AFG1L: variants seen among roughly 807,000 people sequenced by gnomAD.
AFG1L encodes AFG1 like ATPase.
AFG1L carries 53 observed loss-of-function variants against 62.2 expected under a neutral mutation model. The observed-to-expected ratio is 0.85, with a 90% CI of 0.68 to 1.07. The LOEUF is 1.07. Among genes scored for constraint, AFG1L ranks in the 50% least tolerant of loss-of-function variants. The probability of loss-of-function intolerance (pLI) is 0.00; values close to 1 mark genes in which losing one functional copy is unlikely to be tolerated. For missense variants in AFG1L, 555 were observed against 590.5 expected, an observed-to-expected ratio of 0.94 and a Z score of 0.62; for synonymous variants, 228 against 210.3, an observed-to-expected ratio of 1.08 and a Z score of -0.73.
chr6:108,410,412 A>G (rs957625671), intron 7 of AFG1L, among the ~76,000 whole-genome samples: 3 of 152,228 alleles, frequency 2.0e-5, no homozygotes, highest in African/African-American at 7.2e-5. Context: ...TGGGAAAAGA[A>G]GTCAAGCTGG....
intron 3 of AFG1L, among the ~76,000 whole-genome samples, chr6:108,349,623 A>G (rs930322031): frequency 1.3e-5 from 2 of 152,062 alleles, no homozygotes; most frequent in African/African-American, 2.4e-5. Flanking sequence ...ACAGGTATTA[A>G]ATTTTAACAA....
chr6:108,509,420 C>G (rs962002733), intron 10 of AFG1L, among the ~76,000 whole-genome samples: 1 of 152,196 alleles, frequency 6.6e-6, no homozygotes, highest in Non-Finnish European at 1.5e-5. Context: ...AAAATAATTT[C>G]TGATGATTTT....
intron 7 of AFG1L, among the ~76,000 whole-genome samples, chr6:108,437,999 G>A (rs1582586835): frequency 6.6e-6 from 1 of 152,188 alleles, no homozygotes; most frequent in East Asian, 1.9e-4. Context: ...TTTTGGCTGT[G>A]GCTGCAGAAA....
At chr6:108,399,953 A>T (rs1271099758) in intron 6 of AFG1L, among the ~76,000 whole-genome samples, 1 of 150,792 alleles carries the variant, frequency 6.6e-6, no homozygotes, top group Non-Finnish European at 1.5e-5. Flanking sequence ...TAATTTTTGT[A>T]TTTTTTGTGG....
intron 7 of AFG1L, among the ~76,000 whole-genome samples, chr6:108,445,823 C>T (rs147429868): frequency 2.0e-5 from 3 of 151,918 alleles, no homozygotes; most frequent in East Asian, 1.9e-4. Flanking sequence ...ATGTGATCAC[C>T]GATCATATAA....
chr6:108,445,414 A>T (rs975710496), intron 7 of AFG1L, among the ~76,000 whole-genome samples: 1 of 152,016 alleles, frequency 6.6e-6, no homozygotes, highest in Non-Finnish European at 1.5e-5. Flanking sequence ...TTCCTTTTCA[A>T]TCATAACTTA....
At chr6:108,319,370 A>G (rs972884966) in intron 1 of AFG1L, among the ~76,000 whole-genome samples, 3 of 152,166 alleles carry the variant, frequency 2.0e-5, no homozygotes, top group African/African-American at 7.2e-5. Flanking sequence ...CCCTCCGAGT[A>G]GCAATAGTTC....
At chr6:108,449,922 G>A (rs1157945266) in intron 8 of AFG1L, among the ~76,000 whole-genome samples, 1 of 152,094 alleles carries the variant, frequency 6.6e-6, no homozygotes, top group Non-Finnish European at 1.5e-5. Flanking sequence ...CCCTACAAAG[G>A]ACATGAACTC....
intron 7 of AFG1L, among the ~76,000 whole-genome samples, chr6:108,431,190 G>A (rs1202302076): frequency 6.6e-6 from 1 of 150,504 alleles, no homozygotes; most frequent in Non-Finnish European, 1.5e-5. Flanking sequence ...TGCAACCTCC[G>A]CCTCCCAGGT....
chr6:108,411,786 A>G (rs1782127472), intron 7 of AFG1L, among the ~76,000 whole-genome samples: 1 of 152,234 alleles, frequency 6.6e-6, no homozygotes, highest in Non-Finnish European at 1.5e-5. Flanking sequence ...AAAGGTAGAT[A>G]AAACCACAAA....
chr6:108,390,400 G>A (rs989543491), intron 6 of AFG1L, among the ~76,000 whole-genome samples: 7 of 152,142 alleles, frequency 4.6e-5, no homozygotes, highest in East Asian at 1.9e-4. Context: ...GCTTTGTACC[G>A]TTGCTAGCGA....
rs1471245298 is a variant in AFG1L, at chr6:108,359,859, G to C, written c.648+3039G>C. The stretch of plus-strand genomic sequence containing the variant: ...GTTTCAAGTAAATCTCTTTTCTTCA[G>C]CTGGATCTCCAGTGCCTATTTCTTA... On this transcript the variant is annotated intron_variant, in intron 5 of 12. Coordinates refer to ENST00000368977, the MANE Select transcript of AFG1L (RefSeq NM_145315.5). 4 of 152,208 alleles carry C rather than the reference G, an allele frequency of 2.6e-5. No homozygotes were observed. The East Asian group carries it at 7.7e-4, about 29-fold the overall frequency. 9.4% of individuals were successfully genotyped at this position (152,208 alleles called of 1,614,324 possible). A position where few individuals can be genotyped will look rare whatever the true frequency, so the allele number is the denominator to read the frequency against.
At chr6:108,404,196 A>T (rs1403174659) in intron 7 of AFG1L, among the ~76,000 whole-genome samples, 1 of 152,152 alleles carries the variant, frequency 6.6e-6, no homozygotes, top group African/African-American at 2.4e-5. Flanking sequence ...GGCCTAGCTG[A>T]GAGAAAGGTA....
intron 10 of AFG1L, among the ~76,000 whole-genome samples, chr6:108,503,412 G>A (rs912799028): frequency 2.0e-5 from 3 of 152,228 alleles, no homozygotes; most frequent in African/African-American, 7.2e-5. Context: ...TCATCTCTTT[G>A]TACAGTTCCA....
intron 7 of AFG1L, among the ~76,000 whole-genome samples, chr6:108,403,470 G>C (rs1162916047): frequency 6.6e-6 from 1 of 152,034 alleles, no homozygotes; most frequent in Admixed American, 6.6e-5. Context: ...CCAATTTTAG[G>C]TTCCCAAGGA....
intron 7 of AFG1L, among the ~76,000 whole-genome samples, chr6:108,405,381 T>C (rs1191327690): frequency 6.6e-6 from 1 of 152,236 alleles, no homozygotes; most frequent in Admixed American, 6.5e-5. Flanking sequence ...GGTCTCACGC[T>C]GTTGCCTAGG....
At chr6:108,478,916 T>C (rs1437662533) in intron 10 of AFG1L, among the ~76,000 whole-genome samples, 2 of 152,150 alleles carry the variant, frequency 1.3e-5, no homozygotes, top group African/African-American at 2.4e-5. Flanking sequence ...GGGAAGAAGA[T>C]TGATTGAGAC....
At chr6:108,416,280 G>A (rs1178951694) in intron 7 of AFG1L, among the ~76,000 whole-genome samples, 1 of 152,206 alleles carries the variant, frequency 6.6e-6, no homozygotes, top group Non-Finnish European at 1.5e-5. Context: ...AACAACAGGT[G>A]CTGGAGAGGA....
intron 3 of AFG1L, among the ~76,000 whole-genome samples, chr6:108,351,707 T>C (rs993360057): frequency 2.0e-5 from 3 of 152,186 alleles, no homozygotes; most frequent in African/African-American, 7.2e-5. Context: ...TTAAAAAATG[T>C]ATTCAATTGT....
Sources: gnomAD v4.1 joint callset for allele counts (sites outside exome capture counted in the v4.1 genomes callset) on GRCh38, gnomAD v4.1.1 for gene constraint, MANE v1.5 for transcripts, NCBI Gene and HGNC (gene_info 2026-07-23, HGNC 2026-07-21) for gene names.